The following CSMD2 variants were observed in gnomAD, a reference collection of about 807,000 sequenced individuals.
The protein encoded by CSMD2 is CUB and sushi domain-containing protein 2.
Under a neutral mutation model 398.5 loss-of-function variants are expected in CSMD2, and 130 were observed. The ratio of observed to expected loss-of-function variants is 0.33; its 90% CI spans 0.28 to 0.38. The LOEUF (loss-of-function observed/expected upper bound fraction) is 0.38. Ranked by LOEUF, CSMD2 falls within the 10% of genes least tolerant of loss-of-function variation. The pLI is 1.00. For missense variants in CSMD2, 3,829 were observed against 4,764.9 expected (o/e 0.80, Z 5.78); for synonymous variants, 1,828 against 1,908.5 (o/e 0.96, Z 1.10).
chr1:33,622,000 G>A (rs1002152144), intron 37 of CSMD2, among the ~76,000 whole-genome samples, 167 bp downstream of exon 37: 1 of 152,176 alleles, frequency 6.6e-6, no homozygotes, highest in African/African-American at 2.4e-5. Context: ...ACAGCCTTGA[G>A]GAGGTTTCAG....
At chr1:33,732,052 T>C (rs1020109582) in intron 15 of CSMD2, among the ~76,000 whole-genome samples, 1 of 152,148 alleles carries the variant, frequency 6.6e-6, no homozygotes, top group Admixed American at 6.6e-5. Context: ...TTGGTATATG[T>C]TTGAAATTTT....
chr1:33,630,260 A>G (rs960821139), intron 32 of CSMD2, among the ~76,000 whole-genome samples: 3 of 152,174 alleles, frequency 2.0e-5, no homozygotes, highest in African/African-American at 7.2e-5. Flanking sequence ...ATCTGTTTTG[A>G]AAAGGCATCC....
rs908493941 is a variant in CSMD2, at chr1:33,923,009, A to C, written c.713-4708T>G. ...TATGTATGTATTGTGGAATGACTAA[A>C]TCAAGCTAATTAGCATATCAATCAA... On this transcript the variant is annotated intron_variant, in intron 4 of 70. Coordinates refer to ENST00000373381, the MANE Select transcript of CSMD2 (RefSeq NM_001281956.2). 1.3e-5 allele frequency among the ~76,000 whole-genome samples: 2 copies of C among 152,216 alleles called. 1 individual carries two copies. Among genetic ancestry groups the C allele is most frequent in the Non-Finnish European group, 2.9e-5 (2 of 68,044 alleles).
intron 10 of CSMD2, among the ~76,000 whole-genome samples, chr1:33,794,728 GGA>G: frequency 6.6e-6 from 1 of 152,280 alleles, no homozygotes; most frequent in East Asian, 1.9e-4. Flanking sequence ...TTGAAAGCTC[GGA>G]GTCCAATTCG....
At chr1:33,653,335 T>TACTG (rs909735699) in intron 27 of CSMD2, among the ~76,000 whole-genome samples, 1 of 152,170 alleles carries the variant, frequency 6.6e-6, no homozygotes, top group African/African-American at 2.4e-5. Flanking sequence ...GCTTTGTGGG[T>TACTG]ACTGACTGTG....
chr1:33,804,551 C>T (rs1397988440), intron 10 of CSMD2, among the ~76,000 whole-genome samples: 3 of 150,998 alleles, frequency 2.0e-5, no homozygotes, highest in Non-Finnish European at 4.4e-5. Context: ...CTTACCTGCA[C>T]TCTTTTTTTT....
intron 21 of CSMD2, among the ~76,000 whole-genome samples, chr1:33,712,318 C>T (rs1173778261): frequency 6.6e-6 from 1 of 152,070 alleles, no homozygotes; most frequent in Non-Finnish European, 1.5e-5. Flanking sequence ...GCTATGTCAC[C>T]TCCCTCCCCG....
At chr1:33,522,809 C>A (rs1393989514) in intron 67 of CSMD2, among the ~76,000 whole-genome samples, 1 of 152,222 alleles carries the variant, frequency 6.6e-6, no homozygotes, top group Non-Finnish European at 1.5e-5. Flanking sequence ...CAGCTTCCAC[C>A]TCAAGAAAGC....
intron 1 of CSMD2, among the ~76,000 whole-genome samples, chr1:34,154,682 T>G (rs1009762269): frequency 6.7e-6 from 1 of 149,884 alleles, no homozygotes; most frequent in African/African-American, 2.5e-5. Context: ...AAATAAAAAA[T>G]ACATATACAT....
At chr1:33,946,995 G>T (rs142019151) in intron 3 of CSMD2, among the ~76,000 whole-genome samples, 206 of 152,220 alleles carry the variant, frequency 1.4e-3, no homozygotes, top group African/African-American at 4.8e-3. Context: ...TGACCCTCAG[G>T]CTTTGGGAGG....
At chr1:33,914,795 T>A (rs533595603) in intron 5 of CSMD2, among the ~76,000 whole-genome samples, 43 of 152,350 alleles carry the variant, frequency 2.8e-4, no homozygotes, top group African/African-American at 9.6e-4. Flanking sequence ...TTATCTTTCA[T>A]GATGTCAGGA....
intron 10 of CSMD2, among the ~76,000 whole-genome samples, chr1:33,800,139 C>T (rs1655421415): frequency 6.6e-6 from 1 of 152,200 alleles, no homozygotes; most frequent in African/African-American, 2.4e-5. Flanking sequence ...TGACCTTGGC[C>T]CACCCAGCCT....
intron 5 of CSMD2, among the ~76,000 whole-genome samples, chr1:33,874,821 G>A (rs925786947): frequency 6.6e-6 from 1 of 152,204 alleles, no homozygotes; most frequent in Non-Finnish European, 1.5e-5. Flanking sequence ...ATGTTACAAC[G>A]AACAGATGCG....
At chr1:33,955,027 G>A (rs563465855) in intron 3 of CSMD2, among the ~76,000 whole-genome samples, 25 of 152,294 alleles carry the variant, frequency 1.6e-4, no homozygotes, top group Admixed American at 3.3e-4. Context: ...GGAGGAGGAG[G>A]TCAAGGTGTT....
At chr1:33,966,093 GA>G (rs1645547146) in intron 3 of CSMD2, among the ~76,000 whole-genome samples, 1 of 152,208 alleles carries the variant, frequency 6.6e-6, no homozygotes, top group Non-Finnish European at 1.5e-5. Context: ...CTTCCCGTAA[GA>G]AATGATGCAA....
At chr1:33,695,228 G>A (rs551760987) in intron 24 of CSMD2, among the ~76,000 whole-genome samples, 1 of 152,160 alleles carries the variant, frequency 6.6e-6, no homozygotes, top group Non-Finnish European at 1.5e-5. Flanking sequence ...GGAGATGGGG[G>A]AGATGGGACT....
chr1:34,031,649 C>T (rs531417066), intron 3 of CSMD2, among the ~76,000 whole-genome samples: 2 of 151,496 alleles, frequency 1.3e-5, no homozygotes, highest in Admixed American at 6.6e-5. Flanking sequence ...CAGAACTTGT[C>T]CTCTTTATGC....
At chr1:34,040,874 C>T (rs1651768626) in intron 2 of CSMD2, among the ~76,000 whole-genome samples, 2 of 152,122 alleles carry the variant, frequency 1.3e-5, no homozygotes, top group Non-Finnish European at 1.5e-5. Flanking sequence ...CCTGTAATCC[C>T]AACATTTTGA....
chr1:33,600,174 C>T (rs1160689409), intron 44 of CSMD2: 1 of 716,654 alleles, frequency 1.4e-6, no homozygotes, highest in Admixed American at 2.0e-5. Context: ...TTTTACACAG[C>T]TGGCCCAAGG....
Sources: gnomAD v4.1 joint callset for allele counts (sites outside exome capture counted in the v4.1 genomes callset) on GRCh38, gnomAD v4.1.1 for gene constraint, MANE v1.5 for transcripts, NCBI Gene and HGNC (gene_info 2026-07-23, HGNC 2026-07-21) for gene names.